The following NAP1L1 variants were observed in gnomAD, a reference collection of about 807,000 sequenced individuals.
NAP1L1 encodes the protein nucleosome assembly protein 1-like 1.
Under a neutral mutation model 58.9 loss-of-function variants are expected in NAP1L1, and 9 were observed. The ratio of observed to expected loss-of-function variants is 0.15; its 90% CI spans 0.09 to 0.27. NAP1L1 has a LOEUF of 0.27. Ranked by LOEUF, NAP1L1 falls within the 10% of genes least tolerant of loss-of-function variation. The probability of loss-of-function intolerance (pLI) is 1.00; values close to 1 mark genes in which losing one functional copy is unlikely to be tolerated. For synonymous variants in NAP1L1, 130 were observed against 138.3 expected, an observed-to-expected ratio of 0.94 and a Z score of 0.42; for missense variants, 302 against 458.8, an observed-to-expected ratio of 0.66 and a Z score of 3.12.
chr12:76,081,161 C>T (rs1950391929), intron 1 of NAP1L1, among the ~76,000 whole-genome samples: 1 of 152,092 alleles, frequency 6.6e-6, no homozygotes, highest in Admixed American at 6.6e-5. Context: ...TATAGCAGAA[C>T]AGTGTAAGTC....
Position 76,041,634 on chromosome 12 carries a change from C to T in NAP1L1, c.*6795G>A, listed in dbSNP as rs958589177. The T allele has an allele frequency of 6.6e-5, 10 of 152,186 alleles. No individual in the cohort carries two copies. Among genetic ancestry groups the T allele is most frequent in the African/African-American group, 2.2e-4 (9 of 41,434 alleles). 9.4% of individuals were successfully genotyped at this position (152,186 alleles called of 1,614,324 possible). On this transcript the variant is annotated 3_prime_UTR_variant, in exon 15 of 15. Transcript: ENST00000618691. ...CGGCAGCTCCCACTTGTAAGCATAG[C>T]ACCTCAGGAGGTTGAGGTGAGACAA...
chr12:76,050,060 G>A (rs1948747988), intron 12 of NAP1L1, among the ~76,000 whole-genome samples: 1 of 152,146 alleles, frequency 6.6e-6, no homozygotes. Flanking sequence ...CTTAAGTGTG[G>A]AATGCACTGT....
chr12:76,068,786 T>C (rs1949811332), intron 3 of NAP1L1, 123 bp downstream of exon 3: 3 of 556,064 alleles, frequency 5.4e-6, no homozygotes, highest in Non-Finnish European at 9.5e-6. Context: ...ACACTAGAAG[T>C]ATGGACCAGT....
In NAP1L1 at chr12:76,046,054, T is replaced by A. The variant is rs1948601532; in HGVS notation, c.*2375A>T. The A allele has an allele frequency of 6.6e-6, 1 of 151,832 alleles. No homozygotes were observed. The highest frequency in any genetic ancestry group is 2.1e-4 in the South Asian group (1 of 4,830). The allele number at this position is 151,832 out of a possible 1,614,324, so 9.4% of individuals were successfully genotyped here. A position where few individuals can be genotyped will look rare whatever the true frequency, so the allele number is the denominator to read the frequency against. ...TGAGGTTGCTCTTAAAATTATATATTTACAGAACATAGTGGCCTCAGCACA... is the reference window on the plus strand; with the variant it reads ...TGAGGTTGCTCTTAAAATTATATATATACAGAACATAGTGGCCTCAGCACA... On this transcript the variant is annotated 3_prime_UTR_variant, in exon 15 of 15. Transcript: ENST00000618691.
At chr12:76,073,994 C>G (rs147162027) in intron 2 of NAP1L1, 1 of 467,330 alleles carries the variant, frequency 2.1e-6, no homozygotes, top group Non-Finnish European at 3.8e-6. Context: ...TTAGTATATA[C>G]GATGGTTTCG....
chr12:76,053,572 C>T (rs1948938341), intron 9 of NAP1L1, among the ~76,000 whole-genome samples, 198 bp downstream of exon 9: 1 of 152,050 alleles, frequency 6.6e-6, no homozygotes, highest in Non-Finnish European at 1.5e-5. Context: ...AGAAGCATTC[C>T]TCTGCAAAAA....
Position 76,039,292 on chromosome 12 carries a change from T to C in NAP1L1, c.*9137A>G, listed in dbSNP as rs1948528438. ...GGATGCCAGTAGCCTTTAGCCTCCT[T>C]CAGCCCATCCTGTACCTTGAACCTG... On this transcript the variant is annotated 3_prime_UTR_variant, in exon 15 of 15. Transcript: ENST00000618691. The C allele has an allele frequency of 6.6e-6, 1 of 152,152 alleles. No individual in the cohort carries two copies. Among genetic ancestry groups the C allele is most frequent in the African/African-American group, 2.4e-5 (1 of 41,434 alleles). 9.4% of individuals were successfully genotyped at this position (152,152 alleles called of 1,614,324 possible). A position where few individuals can be genotyped will look rare whatever the true frequency, so the allele number is the denominator to read the frequency against.
At chr12:76,074,076 T>C in intron 2 of NAP1L1, 127 bp downstream of exon 2, 1 of 805,476 alleles carries the variant, frequency 1.2e-6, no homozygotes, top group Non-Finnish European at 2.1e-6. Flanking sequence ...ACTAGACTTT[T>C]GTAAAAGTAG....
At chr12:76,066,053 TAA>T (rs751319470) in intron 4 of NAP1L1, among the ~76,000 whole-genome samples, 4 of 117,316 alleles carry the variant, frequency 3.4e-5, no homozygotes, top group Admixed American at 1.7e-4. Context: ...GAATAGTGTT[TAA>T]AAAAAAAAAA....
intron 6 of NAP1L1, chr12:76,056,785 G>A (rs981644277): frequency 5.5e-6 from 2 of 364,216 alleles, no homozygotes; most frequent in Admixed American, 6.8e-5. Context: ...AGTGAGGTGG[G>A]TGGATCATTT....
chr12:76,054,293 G>A (rs966837421), intron 8 of NAP1L1, among the ~76,000 whole-genome samples: 1 of 152,120 alleles, frequency 6.6e-6, no homozygotes, highest in African/African-American at 2.4e-5. Context: ...GCCTCCCAAA[G>A]TGCTGGGATT....
At chr12:76,068,816 C>A in intron 3 of NAP1L1, 93 bp downstream of exon 3, 1 of 790,120 alleles carries the variant, frequency 1.3e-6, no homozygotes, top group Non-Finnish European at 2.1e-6. Flanking sequence ...GGACAATGAG[C>A]AAGGGTCCAA....
chr12:76,042,397 C>T lies in NAP1L1; in HGVS notation c.*6032G>A, dbSNP rs1948559560. ...AACAGGTGGTAGACAGACTCTAAAGCCTGTGTTTAAAGACACTACCCAAAG... is the reference window on the plus strand; with the variant it reads ...AACAGGTGGTAGACAGACTCTAAAGTCTGTGTTTAAAGACACTACCCAAAG... On this transcript the variant is annotated 3_prime_UTR_variant, in exon 15 of 15. Coordinates refer to ENST00000618691, the MANE Select transcript of NAP1L1 (RefSeq NM_004537.7). The T allele has an allele frequency of 6.6e-6, 1 of 152,162 alleles. No individual in the cohort carries two copies. The highest frequency in any genetic ancestry group is 2.4e-5 in the African/African-American group (1 of 41,434). The allele number at this position is 152,162 out of a possible 1,614,324, so 9.4% of individuals were successfully genotyped here. A position where few individuals can be genotyped will look rare whatever the true frequency, so the allele number is the denominator to read the frequency against.
At chr12:76,060,349 A>C in intron 4 of NAP1L1, 70 bp from the exon 5 acceptor site, 2 of 1,494,250 alleles carry the variant, frequency 1.3e-6, no homozygotes, top group Non-Finnish European at 1.8e-6. Context: ...GTCATACTGA[A>C]ACTGAAGCAT....
intron 4 of NAP1L1, among the ~76,000 whole-genome samples, 194 bp from the exon 5 acceptor site, chr12:76,060,473 T>C (rs1418172330): frequency 1.3e-5 from 2 of 152,230 alleles, no homozygotes; most frequent in East Asian, 3.8e-4. Context: ...AAAGTAGAAA[T>C]GTAACTGGGT....
At chr12:76,079,866 T>TTTTTTTGTAAAAAAAA (rs1565752067) in intron 1 of NAP1L1, among the ~76,000 whole-genome samples, 1 of 152,102 alleles carries the variant, frequency 6.6e-6, no homozygotes, top group East Asian at 1.9e-4. Context: ...TTGTTTTAAT[T>TTTTTTTGTAAAAAAAA]TTTTTTGTAA....
rs562226425 is a variant in NAP1L1, at chr12:76,048,368, A to T, written c.*61T>A. The T allele has an allele frequency of 1.9e-6, 3 of 1,570,822 alleles. No homozygotes were observed. The highest frequency in any genetic ancestry group is 1.7e-5 in the Admixed American group (1 of 57,788). ...TACAAAAACATAAGGCTGTAAGTAA[A>T]TAAGAGTTGTGTTTAGGCTATTACA... On this transcript the variant is annotated 3_prime_UTR_variant, in exon 15 of 15. Coordinates refer to ENST00000618691, the MANE Select transcript of NAP1L1 (RefSeq NM_004537.7).
intron 4 of NAP1L1, among the ~76,000 whole-genome samples, chr12:76,067,033 G>T (rs1949710098): frequency 6.6e-6 from 1 of 152,040 alleles, no homozygotes; most frequent in Non-Finnish European, 1.5e-5. Context: ...AGCTGAGTAA[G>T]ATATTCATGC....
At chr12:76,068,400 C>T (rs1014872284) in intron 3 of NAP1L1, among the ~76,000 whole-genome samples, 3 of 152,004 alleles carry the variant, frequency 2.0e-5, no homozygotes, top group Non-Finnish European at 4.4e-5. Flanking sequence ...ATATTCTTGG[C>T]GCAGATCTAC....
Sources: gnomAD v4.1 joint callset for allele counts (sites outside exome capture counted in the v4.1 genomes callset) on GRCh38, gnomAD v4.1.1 for gene constraint, MANE v1.5 for transcripts, NCBI Gene and HGNC (gene_info 2026-07-23, HGNC 2026-07-21) for gene names.